Variants in PCNX2 observed in about 807,000 individuals in gnomAD.
The protein encoded by PCNX2 is pecanex-like protein 2.
In PCNX2, 168 loss-of-function variants were observed where a neutral mutation model predicts 223.8. The observed-to-expected ratio is 0.75, with a 90% CI of 0.66 to 0.85. The LOEUF (loss-of-function observed/expected upper bound fraction) is 0.85, where lower values mean the gene tolerates loss of function less well. PCNX2 is among the 40% of genes least tolerant of loss of function. The pLI, the probability that PCNX2 is intolerant of heterozygous loss-of-function variation, is 0.00. For synonymous variants in PCNX2, 1,006 were observed against 1,052.6 expected (o/e 0.96, Z 0.86); for missense variants, 2,507 against 2,675.5 (o/e 0.94, Z 1.39).
chr1:233,322,385 TA>T, the PCNX2 span, among the ~76,000 whole-genome samples: 1 of 152,078 alleles, frequency 6.6e-6, no homozygotes, highest in Non-Finnish European at 1.5e-5. Flanking sequence ...TTTGGGGGGT[TA>T]AAAATAGCAC....
intron 12 of PCNX2, among the ~76,000 whole-genome samples, chr1:233,213,890 G>A (rs1048038204): frequency 6.0e-5 from 8 of 133,900 alleles, no homozygotes; most frequent in East Asian, 2.3e-4. Flanking sequence ...GTGTAGTGGC[G>A]CGATCTTGGC....
intron 17 of PCNX2, among the ~76,000 whole-genome samples, chr1:233,171,457 A>G (rs1349913285): frequency 6.6e-6 from 1 of 152,160 alleles, no homozygotes; most frequent in Non-Finnish European, 1.5e-5. Context: ...CACTAGGAGT[A>G]AAGTTCTAGC....
intron 28 of PCNX2, among the ~76,000 whole-genome samples, chr1:233,011,875 T>A (rs966793115): frequency 2.4e-4 from 37 of 152,210 alleles, no homozygotes; most frequent in African/African-American, 8.7e-4. Context: ...CGTGTTTCCC[T>A]GGATTCTGTG....
chr1:233,312,426 A>G, the PCNX2 span, among the ~76,000 whole-genome samples: 12 of 152,338 alleles, frequency 7.9e-5, no homozygotes, highest in South Asian at 2.5e-3. Flanking sequence ...TTATTGAAAT[A>G]AGAGAAAAAT....
At chr1:233,307,076 G>T in the PCNX2 span, among the ~76,000 whole-genome samples, 2 of 152,096 alleles carry the variant, frequency 1.3e-5, no homozygotes, top group African/African-American at 4.8e-5. Context: ...CATATAAAAG[G>T]AAAGTGTTAG....
chr1:233,160,842 C>T (rs1010748717), intron 18 of PCNX2, among the ~76,000 whole-genome samples: 1 of 152,126 alleles, frequency 6.6e-6, no homozygotes, highest in Non-Finnish European at 1.5e-5. Flanking sequence ...TCTGGAGCTC[C>T]CCACTTTGTT....
chr1:233,094,988 C>A (rs939386620), intron 22 of PCNX2, among the ~76,000 whole-genome samples: 2 of 152,166 alleles, frequency 1.3e-5, no homozygotes, highest in African/African-American at 4.8e-5. Context: ...TTTAAAAACT[C>A]TAAATTCACT....
In PCNX2 at chr1:233,000,571, G is replaced by A. The variant is rs1336326106; in HGVS notation, c.5098-36C>T. 6 of 1,531,728 alleles carry A rather than the reference G, an allele frequency of 3.9e-6. No homozygotes were observed. In the African/African-American group the frequency reaches 4.1e-5, roughly 10 times the overall value. 94.9% of individuals were successfully genotyped at this position (1,531,728 alleles called of 1,614,324 possible). ...GAAGTGTGGGTGTGGGCTGGGCAAG[G>A]ACCAGAGGAACTCACCCCCAGGAAG... On this transcript the variant is annotated intron_variant, in intron 29 of 33. Coordinates refer to ENST00000258229, the MANE Select transcript of PCNX2 (RefSeq NM_014801.4). The surrounding 1 kb of genome is among the most constrained non-coding windows in gnomAD (Gnocchi z 4.6).
chr1:233,231,618 T>C (rs1199034799), intron 9 of PCNX2: 1 of 978,804 alleles, frequency 1.0e-6, no homozygotes, highest in East Asian at 1.1e-4. Flanking sequence ...TCTGTAGATT[T>C]TACCTGAAAG....
At chr1:233,186,207 C>T (rs546521532) in intron 15 of PCNX2, among the ~76,000 whole-genome samples, 1 of 152,202 alleles carries the variant, frequency 6.6e-6, no homozygotes, top group African/African-American at 2.4e-5. Context: ...TTTAAAGAAA[C>T]TGATTTTTTT....
In PCNX2 at chr1:233,262,160, T is replaced by TA. The variant is rs1402363687; in HGVS notation, c.364_365insT (p.Asn122IlefsTer2). The stretch of plus-strand genomic sequence containing the variant: ...CTTTTTGCCATTGTGAATCTGCCTA[T>TA]TATTGCTAACCCAACATGAGAAACA... On this transcript the variant is annotated frameshift_variant, in exon 3 of 34. Transcript: ENST00000258229. LOFTEE classifies it high-confidence loss of function. The TA allele has an allele frequency of 1.9e-6, 3 of 1,613,650 alleles. No homozygotes were observed. In the Admixed American group the frequency reaches 5.0e-5, roughly 27 times the overall value.
upstream of PCNX2, among the ~76,000 whole-genome samples, chr1:233,295,998 C>CTTTTTTTTTT (rs201102619): frequency 7.2e-5 from 7 of 96,884 alleles, no homozygotes; most frequent in African/African-American, 2.3e-4. This position sits in a 1 kb window ranked among gnomAD's most constrained non-coding sequence, Gnocchi z 4.1. Context: ...TTCTTTCTTT[C>CTTTTTTTTTT]TTTCTTTTTT....
intron 28 of PCNX2, among the ~76,000 whole-genome samples, chr1:233,012,555 A>C (rs995188651): frequency 2.0e-5 from 3 of 152,208 alleles, no homozygotes; most frequent in African/African-American, 7.2e-5. Flanking sequence ...GATTCTCCCC[A>C]GAGTTACCTC....
intron 27 of PCNX2, among the ~76,000 whole-genome samples, chr1:233,016,495 A>C (rs902131832): frequency 1.3e-5 from 2 of 152,166 alleles, no homozygotes; most frequent in African/African-American, 4.8e-5. Context: ...AGACACACAA[A>C]ATAACGATGA....
intron 15 of PCNX2, among the ~76,000 whole-genome samples, chr1:233,185,091 A>G (rs1038041135): frequency 1.9e-4 from 6 of 31,990 alleles, no homozygotes; most frequent in Non-Finnish European, 4.3e-4. Flanking sequence ...ATAAACACAC[A>G]CACACACACA....
intron 32 of PCNX2, 88 bp from the exon 33 acceptor site, chr1:232,986,628 G>A (rs1244188344): frequency 7.8e-7 from 1 of 1,281,258 alleles, no homozygotes; most frequent in African/African-American, 1.5e-5. Flanking sequence ...TGCTCTGCCT[G>A]GGCCCAAGGA....
chr1:233,321,013 CTTTTTTTTTT>C, the PCNX2 span, among the ~76,000 whole-genome samples: 1 of 70,364 alleles, frequency 1.4e-5, no homozygotes, highest in Non-Finnish European at 2.5e-5. Context: ...AAAATGTCTT[CTTTTTTTTTT>C]TTTTTTTTTT....
the PCNX2 span, among the ~76,000 whole-genome samples, chr1:233,323,610 T>C: frequency 2.6e-5 from 4 of 152,244 alleles, no homozygotes; most frequent in African/African-American, 7.2e-5. Context: ...CTGTGATCAG[T>C]GATCTTTGAT....
At position 233,250,500 on chromosome 1, in the gene PCNX2, A is replaced by G. The variant is rs562875402; in HGVS notation, c.2222+239T>C. ...TTATGTTTATACAGAGTTCCTGTCT[A>G]TTTATACTACCTACATGTTATCTTC... On this transcript the variant is annotated intron_variant, in intron 8 of 33. Transcript: ENST00000258229. The G allele has an allele frequency of 7.6e-6, 7 of 921,310 alleles. No homozygotes were observed. The African/African-American group carries it at 8.9e-5, about 12-fold the overall frequency. The allele number at this position is 921,310 out of a possible 1,614,324, so 57.1% of individuals were successfully genotyped here.
Sources: gnomAD v4.1 joint callset for allele counts (sites outside exome capture counted in the v4.1 genomes callset) on GRCh38, gnomAD v4.1.1 for gene constraint, Gnocchi (gnomAD v3.1) non-coding constraint, MANE v1.5 for transcripts, NCBI Gene and HGNC (gene_info 2026-07-23, HGNC 2026-07-21) for gene names.